ASB7: variants seen among roughly 807,000 people sequenced by gnomAD.
The protein encoded by ASB7 is ankyrin repeat and SOCS box containing 7.
ASB7 carries 4 observed loss-of-function variants against 32.5 expected under a neutral mutation model. The ratio of observed to expected loss-of-function variants is 0.12; its 90% CI spans 0.06 to 0.28. The LOEUF (loss-of-function observed/expected upper bound fraction) is 0.28. ASB7 is among the 10% of genes least tolerant of loss of function. ASB7 has a pLI of 1.00. For synonymous variants in ASB7, 172 were observed against 155.6 expected (o/e 1.11, Z -0.78); for missense variants, 181 against 407.1 (o/e 0.44, Z 4.78).
At chr15:100,635,642 C>T (rs1289637251) in intron 5 of ASB7, among the ~76,000 whole-genome samples, 3 of 152,182 alleles carry the variant, frequency 2.0e-5, no homozygotes, top group African/African-American at 7.2e-5. Flanking sequence ...GGCTTTCATC[C>T]TCTGTTACAC....
intron 5 of ASB7, among the ~76,000 whole-genome samples, chr15:100,643,477 C>CTTTTTTTT (rs1172063471): frequency 9.6e-6 from 1 of 104,378 alleles, no homozygotes; most frequent in Non-Finnish European, 1.9e-5. Flanking sequence ...GTCCCTTCTT[C>CTTTTTTTT]TTTTTTTTTT....
intron 5 of ASB7, among the ~76,000 whole-genome samples, chr15:100,643,280 A>G (rs2039973558): frequency 1.3e-5 from 2 of 152,064 alleles, no homozygotes; most frequent in Admixed American, 1.3e-4. Context: ...CATTATCACC[A>G]TTATCATAGG....
In ASB7 at chr15:100,649,783, T is replaced by G. The variant is rs1410469820; in HGVS notation, c.*1321T>G. The G allele has an allele frequency of 1.3e-5, 2 of 152,266 alleles. No individual in the cohort carries two copies. The highest frequency in any genetic ancestry group is 4.8e-5 in the African/African-American group (2 of 41,476). 9.4% of individuals were successfully genotyped at this position (152,266 alleles called of 1,614,324 possible). On this transcript the variant is annotated 3_prime_UTR_variant, in exon 6 of 6. Coordinates refer to ENST00000332783, the MANE Select transcript of ASB7 (RefSeq NM_198243.3). ...CTCAGAAACGTATTCTGGCTTGATT[T>G]GTGTTATTAACTTCAGAAGAACCTT...
intron 4 of ASB7, among the ~76,000 whole-genome samples, chr15:100,616,592 G>A (rs2039745406): frequency 6.6e-6 from 1 of 152,124 alleles, no homozygotes; most frequent in South Asian, 2.1e-4. Flanking sequence ...CTGTGCACTA[G>A]GTCAGATATA....
intron 5 of ASB7, among the ~76,000 whole-genome samples, chr15:100,633,634 G>A (rs1430588152): frequency 6.6e-6 from 1 of 150,786 alleles, no homozygotes; most frequent in African/African-American, 2.4e-5. Flanking sequence ...AGGAAGAAAG[G>A]AAGGAAAGGA....
At chr15:100,630,284 G>A in intron 5 of ASB7, 1 of 956,046 alleles carries the variant, frequency 1.0e-6, no homozygotes, top group Non-Finnish European at 1.4e-6. Context: ...GGGAAGGAAT[G>A]GAGAGAAGGA....
intron 5 of ASB7, among the ~76,000 whole-genome samples, chr15:100,644,071 GACCCCA>G (rs973815855): frequency 3.3e-5 from 5 of 151,748 alleles, no homozygotes; most frequent in Non-Finnish European, 5.9e-5. Context: ...AACATGGTGA[GACCCCA>G]TCTCTACTAA....
intron 5 of ASB7, chr15:100,645,928 A>G (rs550699783): frequency 3.2e-5 from 20 of 620,002 alleles, no homozygotes; most frequent in South Asian, 3.0e-4. Flanking sequence ...GAAGGTCACT[A>G]TGGGAGTCCT....
At chr15:100,648,223 C>A in intron 5 of ASB7, 100 bp from the exon 6 acceptor site, 1 of 1,285,568 alleles carries the variant, frequency 7.8e-7, no homozygotes. Flanking sequence ...ATGTCAAGTC[C>A]ATAGAGAGAA....
At chr15:100,620,010 G>A (rs777908346) in intron 4 of ASB7, among the ~76,000 whole-genome samples, 3 of 152,118 alleles carry the variant, frequency 2.0e-5, no homozygotes, top group African/African-American at 4.8e-5. Flanking sequence ...TCAGTTCCTC[G>A]GACACAGTAG....
intron 3 of ASB7, among the ~76,000 whole-genome samples, chr15:100,610,843 C>T (rs2039690021): frequency 6.6e-6 from 1 of 152,174 alleles, no homozygotes; most frequent in African/African-American, 2.4e-5. Flanking sequence ...AACAAAGGGA[C>T]TACTAGTTAA....
At chr15:100,641,486 C>A (rs527458146) in intron 5 of ASB7, among the ~76,000 whole-genome samples, 4 of 152,296 alleles carry the variant, frequency 2.6e-5, no homozygotes, top group East Asian at 1.9e-4. Context: ...GAAGTTCATA[C>A]CTGTACACTC....
At chr15:100,627,512 C>T (rs893130281) in intron 4 of ASB7, among the ~76,000 whole-genome samples, 3 of 152,146 alleles carry the variant, frequency 2.0e-5, no homozygotes, top group Admixed American at 6.5e-5. Context: ...TTCTAATCTC[C>T]CATTTGATTT....
At position 100,650,532 on chromosome 15, in the gene ASB7, T is replaced by C. The variant is rs1205817498; in HGVS notation, c.*2070T>C. The C allele has an allele frequency of 1.3e-5, 2 of 152,214 alleles. No homozygotes were observed. The allele number at this position is 152,214 out of a possible 1,614,324, so 9.4% of individuals were successfully genotyped here. On this transcript the variant is annotated 3_prime_UTR_variant, in exon 6 of 6. Transcript: ENST00000332783. Reference sequence around the variant, plus strand: ...TTGCACAAGGGCTGATTTCCACGTATGTGTGTGTTAATTTATTCACTTAGT... The same window carrying C: ...TTGCACAAGGGCTGATTTCCACGTACGTGTGTGTTAATTTATTCACTTAGT...
In ASB7 at chr15:100,648,632, AT is replaced by A; in HGVS notation, c.*176del. The A allele has an allele frequency of 2.0e-6, 1 of 505,100 alleles. No homozygotes were observed. Among genetic ancestry groups the A allele is most frequent in the Non-Finnish European group, 3.4e-6 (1 of 291,598 alleles). 31.3% of individuals were successfully genotyped at this position (505,100 alleles called of 1,614,324 possible). A position where few individuals can be genotyped will look rare whatever the true frequency, so the allele number is the denominator to read the frequency against. On this transcript the variant is annotated 3_prime_UTR_variant, in exon 6 of 6. Coordinates refer to ENST00000332783, the MANE Select transcript of ASB7 (RefSeq NM_198243.3). ...GGTTGGTTTTCATTGTAGGGGAGGG[AT>A]TTTTTATATATATATAAAAACACAC...
At chr15:100,618,986 A>G (rs2141393310) in intron 4 of ASB7, among the ~76,000 whole-genome samples, 1 of 152,308 alleles carries the variant, frequency 6.6e-6, no homozygotes, top group African/African-American at 2.4e-5. Context: ...CTTCATAAGC[A>G]GTGGAGCTGG....
intron 5 of ASB7, among the ~76,000 whole-genome samples, chr15:100,642,581 A>G (rs1312459329): frequency 2.1e-5 from 3 of 141,210 alleles, no homozygotes; most frequent in Non-Finnish European, 4.7e-5. Context: ...ACTGCCTGGT[A>G]CCAAGGGCAA....
intron 4 of ASB7, among the ~76,000 whole-genome samples, chr15:100,625,004 A>G (rs1049079804): frequency 1.3e-5 from 2 of 152,232 alleles, no homozygotes; most frequent in African/African-American, 4.8e-5. Flanking sequence ...ATTAGAATAA[A>G]ACATAAATAC....
At chr15:100,615,265 A>G (rs1311033228) in intron 4 of ASB7, among the ~76,000 whole-genome samples, 1 of 152,216 alleles carries the variant, frequency 6.6e-6, no homozygotes, top group Non-Finnish European at 1.5e-5. Flanking sequence ...TATATATTTT[A>G]ATAGCTTTAT....
Sources: gnomAD v4.1 joint callset for allele counts (sites outside exome capture counted in the v4.1 genomes callset) on GRCh38, gnomAD v4.1.1 for gene constraint, MANE v1.5 for transcripts, NCBI Gene and HGNC (gene_info 2026-07-23, HGNC 2026-07-21) for gene names.